Variants in FAM3C observed in about 807,000 individuals in gnomAD.
The protein encoded by FAM3C is protein FAM3C.
In FAM3C, 15 loss-of-function variants were observed where a neutral mutation model predicts 32.5. The ratio of observed to expected loss-of-function variants is 0.46; its 90% CI spans 0.31 to 0.71. The LOEUF is 0.71. FAM3C is among the 30% of genes least tolerant of loss of function. FAM3C has a pLI of 0.05. For synonymous variants in FAM3C, 75 were observed against 86.1 expected (o/e 0.87, Z 0.72); for missense variants, 175 against 274.4 (o/e 0.64, Z 2.56).
chr7:121,373,875 A>G (rs1242205291), intron 3 of FAM3C, among the ~76,000 whole-genome samples: 1 of 151,856 alleles, frequency 6.6e-6, no homozygotes, highest in Admixed American at 6.6e-5. Flanking sequence ...ACAAAAAAAA[A>G]AAATTAGCCG....
chr7:121,358,541 T>C (rs970794511), intron 8 of FAM3C, among the ~76,000 whole-genome samples: 3 of 151,930 alleles, frequency 2.0e-5, no homozygotes, highest in Non-Finnish European at 2.9e-5. Flanking sequence ...TTTAAAATAA[T>C]TGAAATAGTG....
At chr7:121,390,796 TGA>T (rs1169712962) in intron 1 of FAM3C, among the ~76,000 whole-genome samples, 2 of 128,420 alleles carry the variant, frequency 1.6e-5, no homozygotes, top group Non-Finnish European at 3.1e-5. Context: ...TGCTCAGATC[TGA>T]GAGCTTCAGA....
At chr7:121,370,712 G>A (rs995067721) in intron 5 of FAM3C, among the ~76,000 whole-genome samples, 3 of 152,102 alleles carry the variant, frequency 2.0e-5, no homozygotes, top group African/African-American at 7.2e-5. Flanking sequence ...ATGGAACTGA[G>A]GTTATCACTG....
Position 121,371,429 on chromosome 7 carries a change from G to A in FAM3C, c.149-6C>T. The A allele has an allele frequency of 6.2e-7, 1 of 1,612,968 alleles. No homozygotes were observed. Among genetic ancestry groups the A allele is most frequent in the Non-Finnish European group, 8.5e-7 (1 of 1,179,254 alleles). ...ATATCTGGGAGGCTTTGTAGCTTTGGGGGAGAAAACATGATGTCTTTTTTT... is the reference window on the plus strand; with the variant it reads ...ATATCTGGGAGGCTTTGTAGCTTTGAGGGAGAAAACATGATGTCTTTTTTT... On this transcript the variant is annotated splice_region_variant and splice_polypyrimidine_tract_variant and intron_variant, in intron 4 of 9. Transcript: ENST00000359943.
At chr7:121,389,247 C>T (rs1006672284) in intron 1 of FAM3C, among the ~76,000 whole-genome samples, 6 of 152,100 alleles carry the variant, frequency 3.9e-5, no homozygotes, top group Non-Finnish European at 2.9e-5. Context: ...CATAGTACAA[C>T]CCCCTTAAAT....
At chr7:121,372,747 T>C (rs1794173245) in intron 3 of FAM3C, among the ~76,000 whole-genome samples, 1 of 152,174 alleles carries the variant, frequency 6.6e-6, no homozygotes, top group African/African-American at 2.4e-5. Context: ...TAACATCTGA[T>C]CCCAGCCCAG....
At position 121,350,431 on chromosome 7, in the gene FAM3C, G is replaced by A. The variant is rs1793680751; in HGVS notation, c.*30C>T. ...TAGCTCTCCCATTAAGAGTGAAAGTGCGCTTTCTTCAATTCTCTCCACATT... is the reference window on the plus strand; with the variant it reads ...TAGCTCTCCCATTAAGAGTGAAAGTACGCTTTCTTCAATTCTCTCCACATT... On this transcript the variant is annotated 3_prime_UTR_variant, in exon 10 of 10. Transcript: ENST00000359943. 1.2e-6 allele frequency: 2 copies of A among 1,610,174 alleles called. No homozygotes were observed. The highest frequency in any genetic ancestry group is 2.2e-5 in the South Asian group (2 of 90,948).
intron 8 of FAM3C, among the ~76,000 whole-genome samples, chr7:121,356,638 C>A (rs1793815074): frequency 6.6e-6 from 1 of 152,158 alleles, no homozygotes; most frequent in African/African-American, 2.4e-5. Context: ...TCATAGAGAA[C>A]AAGAGAATCT....
At chr7:121,364,582 A>G (rs1217386313) in intron 5 of FAM3C, 1 of 158,164 alleles carries the variant, frequency 6.3e-6, no homozygotes, top group Non-Finnish European at 1.4e-5. Context: ...AACAGAAGCG[A>G]GATACTACCC....
chr7:121,382,418 C>T (rs73440260), intron 2 of FAM3C, among the ~76,000 whole-genome samples: 1,763 of 152,196 alleles, frequency 0.012, 28 homozygotes, highest in African/African-American at 0.039. Context: ...TAAGTACATA[C>T]ATATGAGACA....
At chr7:121,372,047 A>G (rs1794157604) in intron 4 of FAM3C, 63 bp downstream of exon 4, 2 of 1,211,130 alleles carry the variant, frequency 1.7e-6, no homozygotes, top group Middle Eastern at 2.0e-4. Flanking sequence ...CACTTTGAAT[A>G]TAAGCTCTCA....
At chr7:121,351,416 A>G in intron 8 of FAM3C, 147 bp from the exon 9 acceptor site, 3 of 641,542 alleles carry the variant, frequency 4.7e-6, no homozygotes, top group Non-Finnish European at 7.2e-6. Context: ...TCAGAGTTAC[A>G]TTTCTACTGG....
At chr7:121,395,897 C>T (rs1794683645) in intron 1 of FAM3C, among the ~76,000 whole-genome samples, 1 of 151,450 alleles carries the variant, frequency 6.6e-6, no homozygotes, top group Non-Finnish European at 1.5e-5. Flanking sequence ...GCAGACGCCG[C>T]CCCGTCTCCG....
chr7:121,395,520 T>C (rs1358470578), intron 1 of FAM3C, among the ~76,000 whole-genome samples: 1 of 151,158 alleles, frequency 6.6e-6, no homozygotes. Context: ...GTAAAACAGC[T>C]GGAGCTCTCA....
intron 8 of FAM3C, among the ~76,000 whole-genome samples, chr7:121,353,702 G>C (rs1793753486): frequency 6.6e-6 from 1 of 152,110 alleles, no homozygotes; most frequent in South Asian, 2.1e-4. Context: ...AAAATCTCTG[G>C]GCATTGAGTC....
At chr7:121,352,969 G>A (rs989943775) in intron 8 of FAM3C, among the ~76,000 whole-genome samples, 3 of 152,170 alleles carry the variant, frequency 2.0e-5, no homozygotes, top group African/African-American at 7.2e-5. Context: ...GAAATGTCTA[G>A]AGCACAGGCA....
At chr7:121,362,763 A>G in intron 7 of FAM3C, 134 bp downstream of exon 7, 1 of 643,704 alleles carries the variant, frequency 1.6e-6, no homozygotes, top group South Asian at 1.9e-5. Context: ...CTGGACATTT[A>G]GTGAACAGAA....
At chr7:121,388,443 G>A (rs1794510507) in intron 1 of FAM3C, among the ~76,000 whole-genome samples, 1 of 151,968 alleles carries the variant, frequency 6.6e-6, no homozygotes, top group Admixed American at 6.6e-5. Flanking sequence ...GGGGAGAGGT[G>A]ATCCATATGA....
chr7:121,372,162 G>T, intron 3 of FAM3C, 23 bp from the exon 4 acceptor site: 1 of 1,577,932 alleles, frequency 6.3e-7, no homozygotes, highest in Non-Finnish European at 8.7e-7. Flanking sequence ...AATTACTTTT[G>T]TTAGAAGGAA....
Sources: allele counts gnomAD v4.1 joint callset (sites outside exome capture counted in the v4.1 genomes callset), GRCh38; gene constraint gnomAD v4.1.1; transcripts MANE v1.5; gene names NCBI Gene and HGNC (gene_info 2026-07-23, HGNC 2026-07-21).